The following IGDCC3 variants were observed in gnomAD, a reference collection of about 807,000 sequenced individuals.
IGDCC3 encodes the protein putative neuronal cell adhesion molecule.
In IGDCC3, 47 loss-of-function variants were observed where a neutral mutation model predicts 72.0. The observed-to-expected ratio is 0.65, with a 90% CI of 0.52 to 0.83. The LOEUF is 0.83. IGDCC3 is among the 40% of genes least tolerant of loss of function. IGDCC3 has a pLI of 0.00. For synonymous variants in IGDCC3, 477 were observed against 472.8 expected (o/e 1.01, Z -0.11); for missense variants, 1,038 against 1,091.3 (o/e 0.95, Z 0.69).
At chr15:65,336,040 C>A in intron 2 of IGDCC3, 84 bp from the exon 3 acceptor site, 10 of 1,421,432 alleles carry the variant, frequency 7.0e-6, no homozygotes, top group Non-Finnish European at 9.8e-6. Context: ...GTCACAGGCA[C>A]GGAGACCTGG....
At chr15:65,332,738 C>A (rs2090988775) in intron 6 of IGDCC3, among the ~76,000 whole-genome samples, 1 of 152,230 alleles carries the variant, frequency 6.6e-6, no homozygotes, top group Admixed American at 6.5e-5. Context: ...TGCATGGGGA[C>A]AGTTAAACCC....
intron 2 of IGDCC3, among the ~76,000 whole-genome samples, chr15:65,361,575 G>A (rs2091261803): frequency 6.6e-6 from 1 of 151,684 alleles, no homozygotes; most frequent in Admixed American, 6.6e-5. Context: ...TGATAGGGGC[G>A]AGTTCCCCAG....
chr15:65,341,940 A>G (rs771576565), intron 2 of IGDCC3, among the ~76,000 whole-genome samples: 2 of 152,078 alleles, frequency 1.3e-5, no homozygotes, highest in African/African-American at 4.8e-5. Flanking sequence ...CGCTTGGATA[A>G]TTTTTTGTAT....
chr15:65,360,539 A>G (rs1279451067), intron 2 of IGDCC3, among the ~76,000 whole-genome samples: 1 of 151,248 alleles, frequency 6.6e-6, no homozygotes, highest in Non-Finnish European at 1.5e-5. Flanking sequence ...TTGTTGCAGA[A>G]AGAGGAGGAC....
At position 65,339,082 on chromosome 15, in the gene IGDCC3, T is replaced by TTTTTTC. The variant is rs1387128192; in HGVS notation, c.410-3132_410-3127dup. Among the ~76,000 whole-genome samples the TTTTTTC allele has an allele frequency of 6.6e-6, 1 of 152,068 alleles. No homozygotes were observed. The highest frequency in any genetic ancestry group is 1.5e-5 in the Non-Finnish European group (1 of 68,020). On this transcript the variant is annotated intron_variant, in intron 2 of 13. Transcript: ENST00000327987. The surrounding 1 kb of genome is among the most constrained non-coding windows in gnomAD (Gnocchi z 4.1). ...CACGCCCAGCTAATTTTTTAATTTC[T>TTTTTTC]TTTTTCTTTTTCTTTTTGAGACGGA...
At chr15:65,365,367 C>T (rs1189478831) in intron 2 of IGDCC3, among the ~76,000 whole-genome samples, 1 of 152,146 alleles carries the variant, frequency 6.6e-6, no homozygotes, top group Non-Finnish European at 1.5e-5. Context: ...CCCTCACATT[C>T]CAATGGCCTT....
chr15:65,329,707 T>C lies in IGDCC3; in HGVS notation c.1997+19A>G, dbSNP rs779636251. 1 of 1,613,748 alleles carries C rather than the reference T, an allele frequency of 6.2e-7. No homozygotes were observed. The highest frequency in any genetic ancestry group is 8.5e-7 in the Non-Finnish European group (1 of 1,179,878). ...CCCCCACACACCAGCCCAGCCCCTC[T>C]CCCTGGCCCAGGACCCACCTGCCCC... is the stretch of plus-strand genomic sequence containing the variant. On this transcript the variant is annotated intron_variant, in intron 12 of 13. Coordinates refer to ENST00000327987, the MANE Select transcript of IGDCC3 (RefSeq NM_004884.4). This position sits in a 1 kb window ranked among gnomAD's most constrained non-coding sequence, Gnocchi z 4.1.
intron 2 of IGDCC3, among the ~76,000 whole-genome samples, chr15:65,337,093 G>C (rs958096245): frequency 6.6e-6 from 1 of 151,980 alleles, no homozygotes; most frequent in Non-Finnish European, 1.5e-5. Context: ...CACCCTCCCC[G>C]TGGCCCCCAT....
chr15:65,352,962 T>C (rs1364268389), intron 2 of IGDCC3, among the ~76,000 whole-genome samples: 2 of 152,226 alleles, frequency 1.3e-5, no homozygotes, highest in East Asian at 3.8e-4. Context: ...AATCTCTGTC[T>C]GCTATTCATG....
chr15:65,346,284 CAGATCT>C (rs2091123165), intron 2 of IGDCC3, among the ~76,000 whole-genome samples: 1 of 152,036 alleles, frequency 6.6e-6, no homozygotes, highest in African/African-American at 2.4e-5. Context: ...TGCCCTCCAG[CAGATCT>C]GAGCTGTGAA....
rs542202046 is a variant in IGDCC3 at position 65,345,648 on chromosome 15, A to T, written c.410-9692T>A. Among the ~76,000 whole-genome samples the T allele has an allele frequency of 2.0e-5, 3 of 152,300 alleles. No individual in the cohort carries two copies. The East Asian group carries it at 5.8e-4, about 29-fold the overall frequency. Reference sequence around the variant, plus strand: ...AGAAAAGAAAGAAAGCAAAGCAAAGAAAAAAGAAACATCAGAAGGATGAAA... The same window carrying T: ...AGAAAAGAAAGAAAGCAAAGCAAAGTAAAAAGAAACATCAGAAGGATGAAA... On this transcript the variant is annotated intron_variant, in intron 2 of 13. Coordinates refer to ENST00000327987, the MANE Select transcript of IGDCC3 (RefSeq NM_004884.4).
At chr15:65,355,697 C>A (rs1236442669) in intron 2 of IGDCC3, 1 of 424,350 alleles carries the variant, frequency 2.4e-6, no homozygotes, top group African/African-American at 2.1e-5. Flanking sequence ...AGTGTCCGCG[C>A]TGAATGGCGC....
chr15:65,329,678 T>A lies in IGDCC3; in HGVS notation c.1997+48A>T. On this transcript the variant is annotated intron_variant, in intron 12 of 13. Transcript: ENST00000327987. The surrounding 1 kb of genome is among the most constrained non-coding windows in gnomAD (Gnocchi z 4.1). ...AGCCCACACTCACCTTCTCTAGGCC[T>A]AGTCCCCCACACACCAGCCCAGCCC... is the stretch of plus-strand genomic sequence containing the variant. The A allele has an allele frequency of 6.2e-7, 1 of 1,612,994 alleles. No homozygotes were observed. Among genetic ancestry groups the A allele is most frequent in the Non-Finnish European group, 8.5e-7 (1 of 1,179,280 alleles).
chr15:65,335,824 G>C lies in IGDCC3; in HGVS notation c.542C>G (p.Thr181Arg). The C allele has an allele frequency of 1.2e-6, 2 of 1,614,082 alleles. No homozygotes were observed. Among genetic ancestry groups the C allele is most frequent in the East Asian group, 4.5e-5 (2 of 44,882 alleles). The change falls in exon 3 of 14, where the codon ACG (threonine) becomes AGG (arginine). Residue 181 changes from threonine (T) to arginine (R), a missense_variant. Transcript: ENST00000327987. Reference sequence around the variant, plus strand: ...ACACGTGGCTCACCTCTCATTGTCCGTGTCAATTGGGACTCTGTTCTTCTC... The same window carrying C: ...ACACGTGGCTCACCTCTCATTGTCCCTGTCAATTGGGACTCTGTTCTTCTC... ...TWEKNRVPIDTDNERYTLLPK... is the reference protein window; with the variant it reads ...TWEKNRVPIDRDNERYTLLPK...
intron 2 of IGDCC3, among the ~76,000 whole-genome samples, chr15:65,369,497 A>T (rs28742065): frequency 0.031 from 4,668 of 152,206 alleles, 249 homozygotes; most frequent in African/African-American, 0.11. Flanking sequence ...CTATGAGCTG[A>T]GGCTGGGTAC....
intron 6 of IGDCC3, 115 bp downstream of exon 6, chr15:65,333,142 G>T: frequency 1.9e-6 from 2 of 1,041,622 alleles, no homozygotes; most frequent in Non-Finnish European, 2.7e-6. Flanking sequence ...GGGGCGAGGG[G>T]CAGGGCGAGT....
chr15:65,329,369 G>C lies in IGDCC3; in HGVS notation c.2205+21C>G. The C allele has an allele frequency of 1.3e-6, 2 of 1,574,574 alleles. No individual in the cohort carries two copies. Among genetic ancestry groups the C allele is most frequent in the Non-Finnish European group, 1.7e-6 (2 of 1,165,212 alleles). On this transcript the variant is annotated intron_variant, in intron 13 of 13. Coordinates refer to ENST00000327987, the MANE Select transcript of IGDCC3 (RefSeq NM_004884.4). The surrounding 1 kb of genome is among the most constrained non-coding windows in gnomAD (Gnocchi z 4.1). The stretch of plus-strand genomic sequence containing the variant: ...GTGTCAGAGCCTGAGGCGGGGGTTT[G>C]TTTAAGACATGGGCACTCACTGTGG...
chr15:65,345,893 T>C, intron 2 of IGDCC3, among the ~76,000 whole-genome samples: 1 of 152,218 alleles, frequency 6.6e-6, no homozygotes, highest in Non-Finnish European at 1.5e-5. Context: ...GGACTTACAA[T>C]GGTCTGACTC....
At chr15:65,335,208 C>T (rs2091016528) in intron 4 of IGDCC3, 83 bp downstream of exon 4, 1 of 1,456,616 alleles carries the variant, frequency 6.9e-7, no homozygotes, top group Non-Finnish European at 9.3e-7. Context: ...CTGCAGAGGC[C>T]AGCTGAAGGG....
Sources: allele counts gnomAD v4.1 joint callset (sites outside exome capture counted in the v4.1 genomes callset), GRCh38; gene constraint gnomAD v4.1.1; non-coding constraint Gnocchi (gnomAD v3.1); transcripts MANE v1.5; gene names NCBI Gene and HGNC (gene_info 2026-07-23, HGNC 2026-07-21).